TUSC3: variants seen among roughly 807,000 people sequenced by gnomAD.
The protein encoded by TUSC3 is tumor suppressor candidate 3.
In TUSC3, 45 loss-of-function variants were observed where a neutral mutation model predicts 44.8. The ratio of observed to expected loss-of-function variants is 1.00; its 90% CI spans 0.79 to 1.29. The LOEUF is 1.29. TUSC3 is among the 50% of genes most tolerant of loss of function. TUSC3 has a pLI of 0.00. For synonymous variants in TUSC3, 212 were observed against 152.9 expected (o/e 1.39, Z -2.85); for missense variants, 519 against 437.9 (o/e 1.19, Z -1.65).
chr8:15,504,896 C>G (rs1055768920), intron 2 of TUSC3, among the ~76,000 whole-genome samples: 1 of 151,662 alleles, frequency 6.6e-6, no homozygotes, highest in East Asian at 1.9e-4. Context: ...TTGTGATTCG[C>G]CCACTTCAGC....
downstream of TUSC3, among the ~76,000 whole-genome samples, chr8:15,770,240 GGTGAGTT>G (rs1459413881): frequency 2.6e-5 from 4 of 152,110 alleles, no homozygotes; most frequent in East Asian, 5.8e-4. Flanking sequence ...CATAAAAAAG[GGTGAGTT>G]CATATCCTTT....
intron 1 of TUSC3, among the ~76,000 whole-genome samples, chr8:15,565,097 A>G (rs1244817701): frequency 6.6e-6 from 1 of 152,056 alleles, no homozygotes; most frequent in Non-Finnish European, 1.5e-5. Flanking sequence ...GGGATGTCCA[A>G]GTCAGTCTCA....
intron 2 of TUSC3, among the ~76,000 whole-genome samples, chr8:15,491,099 G>A (rs1451390198): frequency 3.9e-5 from 6 of 152,186 alleles, no homozygotes; most frequent in Admixed American, 1.3e-4. Flanking sequence ...AGATGCATTT[G>A]TCTCGTGCTC....
intron 1 of TUSC3, among the ~76,000 whole-genome samples, chr8:15,442,295 C>T (rs1800031166): frequency 6.6e-6 from 1 of 151,702 alleles, no homozygotes; most frequent in Non-Finnish European, 1.5e-5. Context: ...AGAAAGTAAT[C>T]TGAAAAATCT....
At chr8:15,639,443 G>A (rs1371953558) in intron 2 of TUSC3, among the ~76,000 whole-genome samples, 1 of 152,268 alleles carries the variant, frequency 6.6e-6, no homozygotes, top group East Asian at 1.9e-4. Context: ...GACAGCTACA[G>A]GAGTAAAGAT....
the TUSC3 span, among the ~76,000 whole-genome samples, chr8:15,846,893 C>CA: frequency 6.8e-6 from 1 of 146,946 alleles, no homozygotes; most frequent in African/African-American, 2.6e-5. Context: ...AAAAAAAACA[C>CA]ACACACAATT....
chr8:15,500,451 G>T (rs1234188205), intron 2 of TUSC3, among the ~76,000 whole-genome samples: 1 of 152,090 alleles, frequency 6.6e-6, no homozygotes, highest in Non-Finnish European at 1.5e-5. Flanking sequence ...GTCAATCGGA[G>T]ATCTAACTGC....
At chr8:15,574,946 T>A (rs554864413) in intron 1 of TUSC3, among the ~76,000 whole-genome samples, 6 of 152,276 alleles carry the variant, frequency 3.9e-5, no homozygotes, top group African/African-American at 1.2e-4. Flanking sequence ...TGTTATTGTA[T>A]TTTAAGGTTA....
intron 6 of TUSC3, among the ~76,000 whole-genome samples, chr8:15,726,480 T>G (rs916994175): frequency 2.0e-5 from 3 of 152,136 alleles, no homozygotes; most frequent in Non-Finnish European, 4.4e-5. Flanking sequence ...TTGAATCACT[T>G]TTTATTTTAT....
chr8:15,608,817 TC>T (rs1199474214), intron 1 of TUSC3, among the ~76,000 whole-genome samples: 16 of 152,184 alleles, frequency 1.1e-4, no homozygotes, highest in Non-Finnish European at 1.9e-4. Context: ...TAAACCTCTT[TC>T]CTTTATAAAT....
rs186200157 is a variant in TUSC3, at chr8:15,617,349, G to A, written c.139-5731G>A. 3.4e-3 allele frequency among the ~76,000 whole-genome samples: 510 copies of A among 151,642 alleles called. 8 individuals carry two copies. The highest frequency in any genetic ancestry group is 0.033 in the East Asian group (169 of 5,104). On this transcript the variant is annotated intron_variant, in intron 1 of 10. Coordinates refer to ENST00000503731, the MANE Select transcript of TUSC3 (RefSeq NM_006765.4). Reference sequence around the variant, plus strand: ...GAGACAGGGTTTCACCATATTGGCCGGGGTGGTCTCGAACTCCTGACCTCT... The same window carrying A: ...GAGACAGGGTTTCACCATATTGGCCAGGGTGGTCTCGAACTCCTGACCTCT...
intron 6 of TUSC3, among the ~76,000 whole-genome samples, chr8:15,682,798 T>A (rs1808477711): frequency 6.7e-6 from 1 of 150,280 alleles, no homozygotes; most frequent in South Asian, 2.1e-4. Context: ...TTTGTTTCCA[T>A]GTCTAGAACT....
the TUSC3 span, among the ~76,000 whole-genome samples, chr8:15,850,723 A>T: frequency 4.1e-4 from 62 of 152,350 alleles, no homozygotes; most frequent in African/African-American, 1.5e-3. Context: ...ACTAATTTTA[A>T]CACGAAGATG....
chr8:15,582,372 A>G (rs1803403843), intron 1 of TUSC3, among the ~76,000 whole-genome samples: 1 of 152,208 alleles, frequency 6.6e-6, no homozygotes. Flanking sequence ...TTGAAGGATG[A>G]GACTTAAACC....
intron 10 of TUSC3, among the ~76,000 whole-genome samples, chr8:15,759,613 A>G (rs1471360835): frequency 6.6e-6 from 1 of 151,962 alleles, no homozygotes; most frequent in Admixed American, 6.6e-5. Context: ...ACCAAATCCA[A>G]AGTTCTCTTC....
chr8:15,774,948 T>G, the TUSC3 span, among the ~76,000 whole-genome samples: 1 of 152,152 alleles, frequency 6.6e-6, no homozygotes, highest in Non-Finnish European at 1.5e-5. Context: ...ACTTACCATA[T>G]GACACTGCAG....
At chr8:15,479,197 G>A (rs1800625006) in intron 1 of TUSC3, among the ~76,000 whole-genome samples, 3 of 152,170 alleles carry the variant, frequency 2.0e-5, no homozygotes, top group South Asian at 4.2e-4. Flanking sequence ...TTTGTCAGAT[G>A]GGTAGATTGC....
At chr8:15,502,724 C>T (rs1012241884) in intron 2 of TUSC3, among the ~76,000 whole-genome samples, 2 of 152,198 alleles carry the variant, frequency 1.3e-5, no homozygotes, top group Non-Finnish European at 1.5e-5. Context: ...ATCTCCTGAC[C>T]TCGTGATCCC....
intron 7 of TUSC3, among the ~76,000 whole-genome samples, chr8:15,738,821 A>C (rs1406972555): frequency 1.1e-5 from 1 of 93,380 alleles, no homozygotes; most frequent in Non-Finnish European, 2.2e-5. Context: ...CTATTAATAT[A>C]TCTTGCTTTT....
Sources: allele counts gnomAD v4.1 joint callset (sites outside exome capture counted in the v4.1 genomes callset), GRCh38; gene constraint gnomAD v4.1.1; transcripts MANE v1.5; gene names NCBI Gene and HGNC (gene_info 2026-07-23, HGNC 2026-07-21).